The following DGKB variants were observed in gnomAD, a reference collection of about 807,000 sequenced individuals.
DGKB encodes the protein diacylglycerol kinase beta.
In DGKB, 67 loss-of-function variants were observed where a neutral mutation model predicts 114.3. That is an observed-to-expected ratio of 0.59 (90% CI 0.48 to 0.72). The LOEUF (loss-of-function observed/expected upper bound fraction) is 0.72. DGKB is among the 30% of genes least tolerant of loss of function. DGKB has a pLI of 0.00. For synonymous variants in DGKB, 398 were observed against 323.1 expected, an observed-to-expected ratio of 1.23 and a Z score of -2.49; for missense variants, 907 against 975.2, an observed-to-expected ratio of 0.93 and a Z score of 0.93.
chr7:14,789,733 AT>A (rs963985664), intron 2 of DGKB, among the ~76,000 whole-genome samples: 14 of 146,506 alleles, frequency 9.6e-5, no homozygotes, highest in African/African-American at 3.4e-4. Flanking sequence ...TTAAAAAAAA[AT>A]TTTGCAGAGT....
chr7:14,369,771 G>T (rs1192425235), intron 21 of DGKB, among the ~76,000 whole-genome samples: 2 of 151,994 alleles, frequency 1.3e-5, no homozygotes, highest in Non-Finnish European at 2.9e-5. Flanking sequence ...GTGGTTGTTT[G>T]TTTTTTTCTA....
At chr7:14,559,763 G>A (rs946067001) in intron 20 of DGKB, among the ~76,000 whole-genome samples, 3 of 152,334 alleles carry the variant, frequency 2.0e-5, no homozygotes, top group Admixed American at 6.5e-5. Flanking sequence ...TGTGAACAGA[G>A]TTGTGATAGC....
chr7:14,544,157 T>A (rs149899058), intron 20 of DGKB, among the ~76,000 whole-genome samples: 2 of 152,194 alleles, frequency 1.3e-5, no homozygotes, highest in African/African-American at 4.8e-5. Context: ...TTAGAAAACC[T>A]CAGCAGAACA....
Position 14,894,328 on chromosome 7 carries a change from A to G in DGKB, c.-188+8264T>C, listed in dbSNP as rs116943132. Among the ~76,000 whole-genome samples the G allele has an allele frequency of 9.5e-3, 1,434 of 151,440 alleles. 10 individuals carry two copies. The highest frequency in any genetic ancestry group is 0.02 in the Middle Eastern group (6 of 294). On this transcript the variant is annotated intron_variant, in intron 1 of 25. Transcript: ENST00000402815. ...ATAGTTTGAATTTTAACTCATGAGG[A>G]TCAGCAAAACGCATATTAGAGAACC...
chr7:14,659,286 A>G (rs1438399250), intron 13 of DGKB, among the ~76,000 whole-genome samples: 1 of 152,056 alleles, frequency 6.6e-6, no homozygotes, highest in Non-Finnish European at 1.5e-5. Context: ...CAGTAATAAT[A>G]TGGTTAAGTT....
At chr7:14,654,710 C>A (rs1313510415) in intron 13 of DGKB, among the ~76,000 whole-genome samples, 1 of 151,804 alleles carries the variant, frequency 6.6e-6, no homozygotes, top group African/African-American at 2.4e-5. Context: ...ATAGAGAACA[C>A]TGAAACAAAT....
intron 20 of DGKB, among the ~76,000 whole-genome samples, chr7:14,543,045 G>A (rs891759614): frequency 6.6e-6 from 1 of 152,124 alleles, no homozygotes; most frequent in Non-Finnish European, 1.5e-5. Flanking sequence ...ACTTGTCCAT[G>A]TCATTTTTCA....
At chr7:14,950,570 A>G (rs918693537) in intron 1 of DGKB, among the ~76,000 whole-genome samples, 3 of 152,046 alleles carry the variant, frequency 2.0e-5, no homozygotes, top group Admixed American at 2.0e-4. Flanking sequence ...AATTAAGTAG[A>G]AAATCCAAAT....
At chr7:14,468,039 A>T (rs901816362) in intron 21 of DGKB, among the ~76,000 whole-genome samples, 1 of 152,184 alleles carries the variant, frequency 6.6e-6, no homozygotes, top group African/African-American at 2.4e-5. Context: ...ATCAAAAAGC[A>T]TTCTTATTAT....
chr7:14,856,956 C>A (rs147919016), intron 1 of DGKB, among the ~76,000 whole-genome samples: 85 of 152,196 alleles, frequency 5.6e-4, no homozygotes, highest in South Asian at 1.9e-3. Flanking sequence ...AGCTCCCCTC[C>A]CCTTGCATGT....
intron 23 of DGKB, among the ~76,000 whole-genome samples, chr7:14,263,910 T>C (rs916091781): frequency 6.6e-6 from 1 of 152,218 alleles, no homozygotes; most frequent in Non-Finnish European, 1.5e-5. Context: ...TGATTATTTA[T>C]TCTTAATGTA....
At chr7:14,586,018 C>T (rs1282351725) in intron 17 of DGKB, among the ~76,000 whole-genome samples, 2 of 152,054 alleles carry the variant, frequency 1.3e-5, no homozygotes, top group African/African-American at 4.8e-5. Flanking sequence ...AAATTAACAA[C>T]CCTACAATGT....
chr7:14,693,457 G>A (rs996884611), intron 9 of DGKB, among the ~76,000 whole-genome samples: 14 of 151,772 alleles, frequency 9.2e-5, no homozygotes, highest in African/African-American at 3.4e-4. Context: ...GTATTTAATT[G>A]CAACTAGAGG....
intron 1 of DGKB, among the ~76,000 whole-genome samples, chr7:14,962,684 G>A (rs1181979299): frequency 6.7e-6 from 1 of 149,936 alleles, no homozygotes. Flanking sequence ...ACGTATACAG[G>A]CAAATGACCA....
At chr7:14,806,339 T>C (rs1842790791) in intron 2 of DGKB, among the ~76,000 whole-genome samples, 1 of 152,098 alleles carries the variant, frequency 6.6e-6, no homozygotes, top group South Asian at 2.1e-4. Flanking sequence ...ATATACATTA[T>C]ATGGCTATAG....
At position 14,553,105 on chromosome 7, in the gene DGKB, T is replaced by A. The variant is rs145732824; in HGVS notation, c.1770+21107A>T. On this transcript the variant is annotated intron_variant, in intron 20 of 25. Coordinates refer to ENST00000402815, the MANE Select transcript of DGKB (RefSeq NM_001350709.2). ...ACCAGAAGAATTTGCCACGGTCAGC[T>A]CAAGCAGCTCAGCACAGATGAATTC... Among the ~76,000 whole-genome samples the A allele has an allele frequency of 8.3e-3, 1,258 of 152,328 alleles. 13 individuals carry two copies. Among genetic ancestry groups the A allele is most frequent in the Middle Eastern group, 0.017 (5 of 294 alleles).
At position 14,344,709 on chromosome 7, in the gene DGKB, C is replaced by T. The variant is rs1562976289; in HGVS notation, c.1926+592G>A. 1.4e-4 allele frequency among the ~76,000 whole-genome samples: 20 copies of T among 147,316 alleles called. No individual in the cohort carries two copies. In the South Asian group the frequency reaches 4.3e-3, roughly 32 times the overall value. On this transcript the variant is annotated intron_variant, in intron 22 of 25. Transcript: ENST00000402815. Reference sequence around the variant, plus strand: ...TCCAAAATTTTGAGTCCTACAGTGTCTTTTTTTTTTACAGACCTATTTGCT... The same window carrying T: ...TCCAAAATTTTGAGTCCTACAGTGTTTTTTTTTTTTACAGACCTATTTGCT...
At chr7:14,301,929 T>G (rs1055957974) in intron 23 of DGKB, among the ~76,000 whole-genome samples, 2 of 151,970 alleles carry the variant, frequency 1.3e-5, no homozygotes, top group Non-Finnish European at 2.9e-5. Flanking sequence ...TGGTCTTGGG[T>G]TGGGACCCCA....
chr7:14,583,227 T>C, intron 17 of DGKB, 90 bp from the exon 18 acceptor site: 1 of 698,458 alleles, frequency 1.4e-6, no homozygotes, highest in South Asian at 2.2e-5. Flanking sequence ...CCCGATGAAA[T>C]ACGTTTTTAT....
Sources: gnomAD v4.1 joint callset for allele counts (sites outside exome capture counted in the v4.1 genomes callset) on GRCh38, gnomAD v4.1.1 for gene constraint, MANE v1.5 for transcripts, NCBI Gene and HGNC (gene_info 2026-07-23, HGNC 2026-07-21) for gene names.